SPOCD1: variants seen among roughly 807,000 people sequenced by gnomAD.
The protein encoded by SPOCD1 is SPOC domain containing 1.
SPOCD1 carries 64 observed loss-of-function variants against 92.2 expected under a neutral mutation model. The ratio of observed to expected loss-of-function variants is 0.69; its 90% CI spans 0.57 to 0.86. The LOEUF is 0.86. Among genes scored for constraint, SPOCD1 ranks in the 40% least tolerant of loss-of-function variants. The pLI, the probability that SPOCD1 is intolerant of heterozygous loss-of-function variation, is 0.00. For missense variants in SPOCD1, 1,360 were observed against 1,543.1 expected (o/e 0.88, Z 1.99); for synonymous variants, 578 against 619.3 (o/e 0.93, Z 0.99).
rs758980545 is a variant in SPOCD1, at chr1:31,798,345, GC to G, written c.2029-23del. The G allele has an allele frequency of 1.2e-6, 2 of 1,605,220 alleles. No individual in the cohort carries two copies. Among genetic ancestry groups the G allele is most frequent in the Admixed American group, 3.4e-5 (2 of 59,668 alleles). ...AGTCCTGGTGGGGGCAGGGGGCAGG[GC>G]TGCACCACACGCTGAAAGAGCTCCC... is the stretch of plus-strand genomic sequence containing the variant. On this transcript the variant is annotated intron_variant, in intron 8 of 15. Coordinates refer to ENST00000360482, the MANE Select transcript of SPOCD1 (RefSeq NM_144569.7). The surrounding 1 kb of genome is among the most constrained non-coding windows in gnomAD (Gnocchi z 4.1).
At chr1:31,800,354 C>T (rs2149106328) in intron 4 of SPOCD1, 87 bp downstream of exon 4, 1 of 1,450,878 alleles carries the variant, frequency 6.9e-7, no homozygotes, top group Admixed American at 2.5e-5. Context: ...AAGTGGCACC[C>T]TCTCTCTGAG....
chr1:31,811,069 C>T (rs16834737), intron 2 of SPOCD1, among the ~76,000 whole-genome samples: 4,246 of 152,290 alleles, frequency 0.028, 182 homozygotes, highest in African/African-American at 0.096. Flanking sequence ...GAATACAACA[C>T]GGCCAGCCTC....
intron 9 of SPOCD1, among the ~76,000 whole-genome samples, chr1:31,796,930 G>A (rs551581087): frequency 6.6e-6 from 1 of 152,092 alleles, no homozygotes; most frequent in African/African-American, 2.4e-5. Context: ...TGCCTCCTCC[G>A]GGAAGCCTTC....
At chr1:31,807,611 A>T in intron 2 of SPOCD1, among the ~76,000 whole-genome samples, 1 of 151,754 alleles carries the variant, frequency 6.6e-6, no homozygotes, top group Non-Finnish European at 1.5e-5. Context: ...AAAAGGCAGA[A>T]AACTAATGAA....
chr1:31,794,231 G>A lies in SPOCD1; in HGVS notation c.2276C>T (p.Pro759Leu), dbSNP rs748892059. Reference sequence around the variant, plus strand: ...TGGGCTGCAGTCCATGAACATCTGCGGTCCCTGGGAGGCAGAAGACAGAGG... The same window carrying A: ...TGGGCTGCAGTCCATGAACATCTGCAGTCCCTGGGAGGCAGAAGACAGAGG... ...QTLTLEDLVG[P>L]QMFMDCSPQA... The change falls in exon 11 of 16, where the codon CCG becomes CTG. Residue 759 changes from proline to leucine, a missense_variant. Pro to Leu is a moderately conservative substitution (Grantham distance 98, BLOSUM62 -3). Around this residue, in one of 3 missense-constraint regions of SPOCD1, gnomAD observed 614 missense variants for 757.8 expected, o/e 0.81. Coordinates refer to ENST00000360482, the MANE Select transcript of SPOCD1 (RefSeq NM_144569.7). The A allele has an allele frequency of 1.4e-5, 23 of 1,610,680 alleles. No individual in the cohort carries two copies. Among genetic ancestry groups the A allele is most frequent in the African/African-American group, 4.0e-5 (3 of 74,862 alleles).
chr1:31,807,722 C>T (rs1167248896), intron 2 of SPOCD1, among the ~76,000 whole-genome samples: 1 of 151,928 alleles, frequency 6.6e-6, no homozygotes, highest in East Asian at 2.0e-4. Flanking sequence ...AACCAAAAAT[C>T]GGTTCTTTGA....
chr1:31,792,203 C>G lies in SPOCD1; in HGVS notation c.2962+12G>C, dbSNP rs1417475131. 1 of 1,590,824 alleles carries G rather than the reference C, an allele frequency of 6.3e-7. No homozygotes were observed. The highest frequency in any genetic ancestry group is 8.6e-7 in the Non-Finnish European group (1 of 1,168,868). ...GCAGAGGCAGGGTCTGGTATGGGGA[C>G]TAGGCACTCACCTGGGCCCCCCAAA... On this transcript the variant is annotated intron_variant, in intron 15 of 15. Transcript: ENST00000360482.
At chr1:31,792,637 G>A (rs937800244) in intron 14 of SPOCD1, 41 bp downstream of exon 14, 19 of 1,481,046 alleles carry the variant, frequency 1.3e-5, no homozygotes, top group African/African-American at 2.8e-5. Flanking sequence ...GTGGGAGTAA[G>A]GTACTAGGAA....
rs769305042 is a variant in SPOCD1 at position 31,792,197 on chromosome 1, T to C, written c.2962+18A>G. Reference sequence around the variant, plus strand: ...AAGTGAGCAGAGGCAGGGTCTGGTATGGGGACTAGGCACTCACCTGGGCCC... The same window carrying C: ...AAGTGAGCAGAGGCAGGGTCTGGTACGGGGACTAGGCACTCACCTGGGCCC... On this transcript the variant is annotated intron_variant, in intron 15 of 15. Coordinates refer to ENST00000360482, the MANE Select transcript of SPOCD1 (RefSeq NM_144569.7). The C allele has an allele frequency of 1.9e-6, 3 of 1,586,718 alleles. No homozygotes were observed. The South Asian group carries it at 3.4e-5, about 18-fold the overall frequency.
At chr1:31,801,938 C>A (rs1034418087) in intron 2 of SPOCD1, among the ~76,000 whole-genome samples, 1 of 152,168 alleles carries the variant, frequency 6.6e-6, no homozygotes, top group Non-Finnish European at 1.5e-5. Flanking sequence ...GAGGCTGAGG[C>A]GGGTGGATCA....
chr1:31,796,200 C>T (rs986143405), intron 10 of SPOCD1: 6 of 333,600 alleles, frequency 1.8e-5, no homozygotes, highest in Admixed American at 4.2e-5. Flanking sequence ...CTAAACCAAT[C>T]CACTGAATAC....
rs1024568024 is a variant in SPOCD1, at chr1:31,800,328, C to A, written c.1602+113G>T. On this transcript the variant is annotated intron_variant, in intron 4 of 15. Transcript: ENST00000360482. ...GGGCCGAACCCTGCCTCTGGCTATT[C>A]TGAATGACCGCGAGCAAGTGGCACC... is the stretch of plus-strand genomic sequence containing the variant. The A allele has an allele frequency of 7.7e-6, 11 of 1,434,948 alleles. No individual in the cohort carries two copies. The Admixed American group carries it at 1.3e-4, about 17-fold the overall frequency. The allele number at this position is 1,434,948 out of a possible 1,614,324, so 88.9% of individuals were successfully genotyped here.
intron 2 of SPOCD1, among the ~76,000 whole-genome samples, chr1:31,806,015 G>A (rs1050441404): frequency 1.3e-5 from 2 of 151,768 alleles, no homozygotes; most frequent in Non-Finnish European, 2.9e-5. Flanking sequence ...AATCATTAGA[G>A]GGCAAAGACT....
chr1:31,800,215 A>G (rs1440588341), intron 4 of SPOCD1, 74 bp from the exon 5 acceptor site: 4 of 1,520,228 alleles, frequency 2.6e-6, no homozygotes, highest in Non-Finnish European at 3.5e-6. Context: ...GATGTACTGG[A>G]GGCCCAGCCC....
chr1:31,814,184 CG>C lies in SPOCD1; in HGVS notation c.1149del (p.Ala384LeufsTer42). 6.4e-7 allele frequency: 1 copy of C among 1,570,972 alleles called. No individual in the cohort carries two copies. ...TCCCGGGAGCTGGCACAGGTGTCAG[CG>C]GGGGCAGCGAGTCCTTGCTCCAGCC... ...RGRLEQGLAA[P>X]ADTCASSREP... On this transcript the variant is annotated frameshift_variant, in exon 2 of 16. Coordinates refer to ENST00000360482, the MANE Select transcript of SPOCD1 (RefSeq NM_144569.7). LOFTEE classifies it high-confidence loss of function. The surrounding 1 kb of genome is among the most constrained non-coding windows in gnomAD (Gnocchi z 4.2).
At chr1:31,807,112 G>A (rs1308950911) in intron 2 of SPOCD1, among the ~76,000 whole-genome samples, 7 of 150,516 alleles carry the variant, frequency 4.7e-5, no homozygotes, top group Non-Finnish European at 3.0e-5. Flanking sequence ...TCTTAGCCAG[G>A]CGTGGTGGCT....
rs1570170594 is a variant in SPOCD1 at position 31,800,041 on chromosome 1, G to A, written c.1703C>T (p.Pro568Leu). Residue 568 changes from proline (P) to leucine (L), a missense_variant, in exon 5 of 16, where the codon CCC becomes CTC. This residue lies in a region of SPOCD1 where 606 missense variants were observed against 601.5 expected (regional missense o/e 1.01). Coordinates refer to ENST00000360482, the MANE Select transcript of SPOCD1 (RefSeq NM_144569.7). ...PRSGSLALGD[P>L]SSDPACSQSG... ...CTGGGAACATGCAGGGTCCGAGCTGGGGTCGCCAAGGGCCAGGGAACCGCT... is the reference window on the plus strand; with the variant it reads ...CTGGGAACATGCAGGGTCCGAGCTGAGGTCGCCAAGGGCCAGGGAACCGCT... The A allele has an allele frequency of 6.2e-7, 1 of 1,611,346 alleles. No homozygotes were observed. The highest frequency in any genetic ancestry group is 1.1e-5 in the South Asian group (1 of 90,900).
At chr1:31,800,420 A>G (rs748450833) in intron 4 of SPOCD1, 21 bp downstream of exon 4, 3 of 1,537,944 alleles carry the variant, frequency 2.0e-6, no homozygotes, top group East Asian at 2.4e-5. Flanking sequence ...GCAGGATTAA[A>G]TGACATCACT....
At chr1:31,800,774 T>C (rs1401259614) in intron 3 of SPOCD1, among the ~76,000 whole-genome samples, 157 bp from the exon 4 acceptor site, 1 of 152,198 alleles carries the variant, frequency 6.6e-6, no homozygotes, top group East Asian at 1.9e-4. Context: ...CCGCTGTATT[T>C]GCAATGCTTG....
Sources: gnomAD v4.1 joint callset for allele counts (sites outside exome capture counted in the v4.1 genomes callset) on GRCh38, gnomAD v4.1.1 for gene constraint, gnomAD v4.1.1 regional missense constraint, Gnocchi (gnomAD v3.1) non-coding constraint, MANE v1.5 for transcripts, NCBI Gene and HGNC (gene_info 2026-07-23, HGNC 2026-07-21) for gene names.